The following TAMM41 variants were observed in gnomAD, a reference collection of about 807,000 sequenced individuals.
TAMM41 encodes the protein TAM41 mitochondrial translocator assembly and maintenance homolog, also known as phosphatidate cytidylyltransferase, mitochondrial.
A neutral mutation model predicts 44.1 loss-of-function variants in TAMM41; 36 were observed. That is an observed-to-expected ratio of 0.82 (90% CI 0.63 to 1.08). The LOEUF is 1.08. Ranked by LOEUF, TAMM41 falls within the 50% of genes least tolerant of loss-of-function variation. The pLI, the probability that TAMM41 is intolerant of heterozygous loss-of-function variation, is 0.00. For missense variants in TAMM41, 417 were observed against 404.3 expected (o/e 1.03, Z -0.27); for synonymous variants, 164 against 153.1 (o/e 1.07, Z -0.53).
chr3:11,749,426 C>A, the TAMM41 span, among the ~76,000 whole-genome samples: 6 of 152,168 alleles, frequency 3.9e-5, no homozygotes, highest in Non-Finnish European at 5.9e-5. Flanking sequence ...GTTTCCTGTG[C>A]TTTACAGTGA....
chr3:11,751,694 T>A, the TAMM41 span, among the ~76,000 whole-genome samples: 2 of 152,224 alleles, frequency 1.3e-5, no homozygotes, highest in African/African-American at 4.8e-5. Context: ...CCGAAGTGTG[T>A]CAAGTCTGGA....
At chr3:11,726,011 A>G in the TAMM41 span, among the ~76,000 whole-genome samples, 3 of 152,194 alleles carry the variant, frequency 2.0e-5, no homozygotes, top group African/African-American at 7.2e-5. Flanking sequence ...AATTGCCAAT[A>G]AGTAGTTTGT....
intron 2 of TAMM41, among the ~76,000 whole-genome samples, chr3:11,841,639 T>C (rs1429964161): frequency 6.6e-6 from 1 of 152,212 alleles, no homozygotes; most frequent in South Asian, 2.1e-4. Flanking sequence ...ACAGGTAGGT[T>C]TGGCATAATA....
chr3:11,784,689 G>A, the TAMM41 span, among the ~76,000 whole-genome samples: 1 of 152,112 alleles, frequency 6.6e-6, no homozygotes, highest in East Asian at 1.9e-4. Flanking sequence ...ATCCAGTTGG[G>A]ATTCTAATTA....
rs541352924 is a variant in TAMM41, at chr3:11,846,667, C to T, written c.-31G>A. On this transcript the variant is annotated 5_prime_UTR_variant, in exon 1 of 8. Coordinates refer to ENST00000455809, the MANE Select transcript of TAMM41 (RefSeq NM_001284401.2). ...CGAGGCTAACAGGGGACACTCAGCG[C>T]AGCAGGGCGAGGACAACCGGGCGGG... 1.2e-6 allele frequency: 2 copies of T among 1,613,790 alleles called. No individual in the cohort carries two copies. The highest frequency in any genetic ancestry group is 1.7e-5 in the Admixed American group (1 of 60,024).
the TAMM41 span, among the ~76,000 whole-genome samples, chr3:11,737,390 G>A: frequency 4.0e-5 from 6 of 151,002 alleles, no homozygotes; most frequent in Non-Finnish European, 7.4e-5. Context: ...GCACGATCTC[G>A]GCTCACTGCA....
At chr3:11,748,336 G>A in the TAMM41 span, among the ~76,000 whole-genome samples, 1 of 151,904 alleles carries the variant, frequency 6.6e-6, no homozygotes, top group South Asian at 2.1e-4. Context: ...AGGCTGGAGT[G>A]CAGTGGCATG....
chr3:11,744,219 C>G, the TAMM41 span, among the ~76,000 whole-genome samples: 4 of 152,054 alleles, frequency 2.6e-5, no homozygotes, highest in Non-Finnish European at 4.4e-5. Flanking sequence ...AGGTGCCCAC[C>G]ACCATGCCCA....
chr3:11,830,280 T>C (rs1159490319), intron 3 of TAMM41, among the ~76,000 whole-genome samples: 2 of 152,158 alleles, frequency 1.3e-5, no homozygotes, highest in African/African-American at 4.8e-5. Flanking sequence ...ACATAGGAAG[T>C]TCATGCTCTA....
chr3:11,740,795 A>G, the TAMM41 span, among the ~76,000 whole-genome samples: 2,358 of 142,764 alleles, frequency 0.017, 55 homozygotes, highest in African/African-American at 0.061. Flanking sequence ...CGAACTCCTG[A>G]CCTCAGGTGA....
chr3:11,812,092 TAATTTTTGTATTTTTAGTAG>T lies in TAMM41; in HGVS notation c.709-2430_709-2411del, dbSNP rs766321449. Among the ~76,000 whole-genome samples the T allele has an allele frequency of 1.1e-4, 16 of 152,218 alleles. No homozygotes were observed. The East Asian group carries it at 2.9e-3, about 28-fold the overall frequency. On this transcript the variant is annotated intron_variant, in intron 5 of 7. Transcript: ENST00000455809. ...ACAGGCGCACACCACCATGCCTGGC[TAATTTTTGTATTTTTAGTAG>T]AGATGGGGTTTCACCATGTTGGCCA... is the stretch of plus-strand genomic sequence containing the variant.
chr3:11,751,708 T>G, the TAMM41 span, among the ~76,000 whole-genome samples: 2 of 152,232 alleles, frequency 1.3e-5, no homozygotes, highest in Non-Finnish European at 2.9e-5. Context: ...GTCTGGACAC[T>G]GCTCAGGCCT....
chr3:11,817,042 C>G (rs2078307676), intron 5 of TAMM41, 150 bp downstream of exon 5: 1 of 766,206 alleles, frequency 1.3e-6, no homozygotes, highest in South Asian at 3.3e-5. Context: ...AGCATTATTC[C>G]AGATACACAG....
intron 4 of TAMM41, among the ~76,000 whole-genome samples, chr3:11,821,945 G>C (rs1465436866): frequency 1.3e-5 from 2 of 152,208 alleles, no homozygotes; most frequent in African/African-American, 4.8e-5. Context: ...ACCTCATGCA[G>C]TGAGTCGCAC....
At chr3:11,844,585 C>T (rs1188587028) in intron 1 of TAMM41, among the ~76,000 whole-genome samples, 1 of 152,176 alleles carries the variant, frequency 6.6e-6, no homozygotes, top group Non-Finnish European at 1.5e-5. Flanking sequence ...AGTGGCAGAC[C>T]TAAGAGGTCT....
the TAMM41 span, among the ~76,000 whole-genome samples, chr3:11,733,742 G>A: frequency 5.3e-5 from 8 of 151,764 alleles, no homozygotes; most frequent in African/African-American, 1.2e-4. Context: ...TGATGCATCC[G>A]CCTCGGCCTC....
intron 2 of TAMM41, 26 bp downstream of exon 2, chr3:11,844,003 T>A: frequency 6.2e-7 from 1 of 1,607,424 alleles, no homozygotes; most frequent in Non-Finnish European, 8.5e-7. Context: ...CCAGCCAAGT[T>A]AAGACAAAGG....
chr3:11,824,306 T>C (rs2078652205), intron 4 of TAMM41, among the ~76,000 whole-genome samples: 1 of 151,180 alleles, frequency 6.6e-6, no homozygotes, highest in Non-Finnish European at 1.5e-5. Flanking sequence ...TTCTCCTGCC[T>C]CAGCCTCCCT....
At chr3:11,754,953 G>A in the TAMM41 span, among the ~76,000 whole-genome samples, 14 of 152,070 alleles carry the variant, frequency 9.2e-5, no homozygotes, top group East Asian at 2.7e-3. Context: ...ACCTGCCTCG[G>A]CCTCCCAAAG....
Sources: allele counts gnomAD v4.1 joint callset (sites outside exome capture counted in the v4.1 genomes callset), GRCh38; gene constraint gnomAD v4.1.1; transcripts MANE v1.5; gene names NCBI Gene and HGNC (gene_info 2026-07-23, HGNC 2026-07-21).